Variants in THADA observed in about 807,000 individuals in gnomAD.
The protein encoded by THADA is tRNA (32-2'-O)-methyltransferase regulator THADA.
Under a neutral mutation model 219.8 loss-of-function variants are expected in THADA, and 213 were observed. The ratio of observed to expected loss-of-function variants is 0.97; its 90% CI spans 0.87 to 1.09. The LOEUF is 1.09. THADA is among the 50% of genes least tolerant of loss of function. The probability of loss-of-function intolerance (pLI) is 0.00; values close to 1 mark genes in which losing one functional copy is unlikely to be tolerated. For synonymous variants in THADA, 1,018 were observed against 828.9 expected, an observed-to-expected ratio of 1.23 and a Z score of -3.92; for missense variants, 2,956 against 2,311.3, an observed-to-expected ratio of 1.28 and a Z score of -5.72.
chr2:43,470,416 A>G (rs1452868320), intron 26 of THADA, among the ~76,000 whole-genome samples: 1 of 152,094 alleles, frequency 6.6e-6, no homozygotes, highest in Non-Finnish European at 1.5e-5. Flanking sequence ...GGGAAACGAA[A>G]TGTTTAATAG....
At chr2:43,397,826 C>T (rs1573454522) in intron 29 of THADA, 145 bp downstream of exon 29, 1 of 709,230 alleles carries the variant, frequency 1.4e-6, no homozygotes, top group Admixed American at 2.9e-5. Context: ...TAGGAGATAC[C>T]TGATCTTTCG....
chr2:43,429,269 G>C (rs779584664), intron 27 of THADA, among the ~76,000 whole-genome samples: 2 of 151,190 alleles, frequency 1.3e-5, no homozygotes, highest in Non-Finnish European at 3.0e-5. Flanking sequence ...CACCAGCCTG[G>C]CTAATATTTG....
intron 21 of THADA, among the ~76,000 whole-genome samples, chr2:43,538,201 A>G (rs1056934385): frequency 2.6e-5 from 4 of 152,192 alleles, no homozygotes; most frequent in Admixed American, 1.3e-4. Context: ...AAGAGAACCA[A>G]CAAAATATAA....
At chr2:43,532,337 C>G (rs930392434) in intron 21 of THADA, among the ~76,000 whole-genome samples, 2 of 146,238 alleles carry the variant, frequency 1.4e-5, no homozygotes, top group African/African-American at 5.1e-5. Context: ...CGTTTGAACC[C>G]GGGAGGCAGA....
intron 22 of THADA, among the ~76,000 whole-genome samples, chr2:43,526,224 A>G (rs1396826354): frequency 6.6e-6 from 1 of 152,248 alleles, no homozygotes; most frequent in East Asian, 1.9e-4. Context: ...CACAGAACTA[A>G]GAACCAGAGT....
chr2:43,505,570 A>G, intron 24 of THADA, 52 bp downstream of exon 24: 1 of 1,373,996 alleles, frequency 7.3e-7, no homozygotes, highest in Non-Finnish European at 1.0e-6. Flanking sequence ...AAAGTGAAAA[A>G]CAAAACAAAA....
chr2:43,330,928 A>G (rs563768945), intron 30 of THADA, among the ~76,000 whole-genome samples: 2 of 152,334 alleles, frequency 1.3e-5, no homozygotes, highest in African/African-American at 4.8e-5. Flanking sequence ...ATATCTTTCA[A>G]GTAGGAAGAA....
chr2:43,552,479 C>G, intron 17 of THADA, 140 bp from the exon 18 acceptor site: 1 of 945,752 alleles, frequency 1.1e-6, no homozygotes, highest in South Asian at 1.8e-5. Context: ...AGAGATCTTT[C>G]AGGGTTATCC....
rs768395074 is a variant in THADA at position 43,287,049 on chromosome 2, T to G, written c.5023A>C (p.Ile1675Leu). The change falls in exon 35 of 38, where the codon ATA becomes CTA. Residue 1675 changes from isoleucine to leucine, a missense_variant. Physicochemically the swap from Ile to Leu is conservative, Grantham distance 5 (BLOSUM62 2). Transcript: ENST00000405975. ...MQTCVENREL[I>L]AAELKQWVQL... is the part of the protein sequence containing the mutation. ...ACCCACTGCTTCAGCTCAGCAGCTA[T>G]CAATTCCCTGTTCTAAAAGCACAAA... 1.2e-6 allele frequency: 2 copies of G among 1,612,848 alleles called. No homozygotes were observed. The highest frequency in any genetic ancestry group is 1.7e-6 in the Non-Finnish European group (2 of 1,179,172).
At chr2:43,315,308 C>T (rs1677949170) in intron 31 of THADA, among the ~76,000 whole-genome samples, 1 of 152,102 alleles carries the variant, frequency 6.6e-6, no homozygotes, top group Admixed American at 6.5e-5. Flanking sequence ...GTAATCCCAC[C>T]ATTCTAAAAT....
intron 21 of THADA, among the ~76,000 whole-genome samples, chr2:43,539,703 CTAA>C (rs1412186810): frequency 1.3e-5 from 2 of 152,046 alleles, no homozygotes; most frequent in African/African-American, 4.8e-5. Context: ...ACAACGGAAA[CTAA>C]TGTTTTACAG....
chr2:43,474,880 C>G (rs1243691161), intron 26 of THADA, among the ~76,000 whole-genome samples: 2 of 152,144 alleles, frequency 1.3e-5, no homozygotes, highest in South Asian at 2.1e-4. Context: ...AGAAGTTAGT[C>G]TGACCCCGTC....
chr2:43,472,330 T>A (rs1374392659), intron 26 of THADA, among the ~76,000 whole-genome samples: 1 of 152,232 alleles, frequency 6.6e-6, no homozygotes, highest in Non-Finnish European at 1.5e-5. Flanking sequence ...AAGACATAAA[T>A]GCTATAAATG....
chr2:43,527,949 G>A lies in THADA; in HGVS notation c.3304C>T (p.Gln1102Ter), dbSNP rs753572714. 14 of 1,613,420 alleles carry A rather than the reference G, an allele frequency of 8.7e-6. No homozygotes were observed. The highest frequency in any genetic ancestry group is 1.2e-5 in the Non-Finnish European group (14 of 1,179,642). Residue 1102 changes from glutamine (Q) to a stop codon, truncating the protein, a stop_gained, in exon 22 of 38, where the codon CAG becomes TAG. Coordinates refer to ENST00000405975, the MANE Select transcript of THADA (RefSeq NM_022065.5). LOFTEE classifies it high-confidence loss of function. ...IGDYFKQHLLQSRHRGAFELA... is the reference protein window; with the variant it reads ...IGDYFKQHLL ...TCAAATGCTCCTCTGTGCCTGGACT[G>A]CAAAAGGTGTTGTTTAAAGTAATCT...
At chr2:43,370,862 C>G (rs2104621044) in intron 29 of THADA, among the ~76,000 whole-genome samples, 1 of 152,316 alleles carries the variant, frequency 6.6e-6, no homozygotes, top group East Asian at 1.9e-4. Flanking sequence ...TTTATAAACT[C>G]TACTTCCCAT....
chr2:43,586,370 G>A lies in THADA; in HGVS notation c.533+31C>T, dbSNP rs373958588. The A allele has an allele frequency of 1.3e-5, 20 of 1,538,298 alleles. No individual in the cohort carries two copies. In the Middle Eastern group the frequency reaches 8.5e-4, roughly 65 times the overall value. ...AAAGATAATGTACAACTGCAAGTGT[G>A]CACACACAAATGCCAACATATAGCA... On this transcript the variant is annotated intron_variant, in intron 7 of 37. Transcript: ENST00000405975.
chr2:43,304,292 C>A (rs1233616151), intron 31 of THADA, among the ~76,000 whole-genome samples: 1 of 152,056 alleles, frequency 6.6e-6, no homozygotes, highest in African/African-American at 2.4e-5. Context: ...GGCAAAGCCC[C>A]GGTAATCACA....
chr2:43,300,451 A>C (rs1260292740), intron 31 of THADA, among the ~76,000 whole-genome samples: 2 of 152,192 alleles, frequency 1.3e-5, no homozygotes, highest in Non-Finnish European at 1.5e-5. Flanking sequence ...CAAGGTCACT[A>C]AGGAAAAGGT....
chr2:43,265,930 AACACAC>A (rs56173099), intron 36 of THADA, among the ~76,000 whole-genome samples: 12,272 of 124,258 alleles, frequency 0.099, 523 homozygotes, highest in East Asian at 0.12. Flanking sequence ...TTACTTTTGA[AACACAC>A]ACACACACAC....
Sources: allele counts gnomAD v4.1 joint callset (sites outside exome capture counted in the v4.1 genomes callset), GRCh38; gene constraint gnomAD v4.1.1; transcripts MANE v1.5; gene names NCBI Gene and HGNC (gene_info 2026-07-23, HGNC 2026-07-21).